The following BICC1 variants were observed in gnomAD, a reference collection of about 807,000 sequenced individuals.
BICC1 encodes the protein protein bicaudal C homolog 1.
Under a neutral mutation model 111.0 loss-of-function variants are expected in BICC1, and 43 were observed. That is an observed-to-expected ratio of 0.39 (90% CI 0.30 to 0.50). BICC1 has a LOEUF of 0.50. Among genes scored for constraint, BICC1 ranks in the 20% least tolerant of loss-of-function variants. The pLI is 0.88. For missense variants in BICC1, 1,091 were observed against 1,203.2 expected, an observed-to-expected ratio of 0.91 and a Z score of 1.38; for synonymous variants, 467 against 434.4, an observed-to-expected ratio of 1.07 and a Z score of -0.93.
chr10:58,745,039 T>C (rs1841789099), intron 3 of BICC1, among the ~76,000 whole-genome samples: 1 of 152,194 alleles, frequency 6.6e-6, no homozygotes, highest in African/African-American at 2.4e-5. Flanking sequence ...TATGACCCTG[T>C]TCTGCTACAT....
At chr10:58,578,606 T>C (rs1026696275) in intron 1 of BICC1, among the ~76,000 whole-genome samples, 3 of 152,182 alleles carry the variant, frequency 2.0e-5, no homozygotes, top group Non-Finnish European at 2.9e-5. Context: ...CCGAAAACCT[T>C]GTAGTGTTTG....
At chr10:58,590,308 G>A (rs1288750732) in intron 1 of BICC1, among the ~76,000 whole-genome samples, 3 of 152,140 alleles carry the variant, frequency 2.0e-5, no homozygotes, top group East Asian at 1.9e-4. Flanking sequence ...AGCAGGAATC[G>A]TGACATCTCT....
intron 20 of BICC1, among the ~76,000 whole-genome samples, chr10:58,821,854 G>A (rs1992657): frequency 0.73 from 111,271 of 151,988 alleles, 40,854 homozygotes; most frequent in Admixed American, 0.75. Flanking sequence ...GCTTTGGTTT[G>A]TTAATCATGA....
intron 2 of BICC1, among the ~76,000 whole-genome samples, chr10:58,675,971 C>T (rs1564546860): frequency 6.6e-6 from 1 of 152,148 alleles, no homozygotes; most frequent in Non-Finnish European, 1.5e-5. Context: ...ACAGTGGGTG[C>T]AGCCCACGGA....
At chr10:58,799,711 AT>A (rs113758569) in intron 12 of BICC1, among the ~76,000 whole-genome samples, 1,515 of 146,418 alleles carry the variant, frequency 0.01, 15 homozygotes, top group South Asian at 0.051. Context: ...CTATATTTCT[AT>A]TTTTTTTTTA....
chr10:58,730,037 C>T (rs1841239404), intron 3 of BICC1, among the ~76,000 whole-genome samples: 3 of 152,184 alleles, frequency 2.0e-5, no homozygotes, highest in African/African-American at 7.2e-5. Context: ...ACTCATTCAG[C>T]ATTAACTAAG....
chr10:58,791,221 A>T (rs991061806), intron 8 of BICC1, among the ~76,000 whole-genome samples: 1 of 151,494 alleles, frequency 6.6e-6, no homozygotes, highest in African/African-American at 2.4e-5. Flanking sequence ...TGTAATCTTC[A>T]TTTTTTTTCT....
chr10:58,670,529 G>A (rs1276291124), intron 2 of BICC1, among the ~76,000 whole-genome samples: 1 of 152,148 alleles, frequency 6.6e-6, no homozygotes, highest in Non-Finnish European at 1.5e-5. Context: ...GAGAATACTG[G>A]CAGGACTTTG....
intron 20 of BICC1, among the ~76,000 whole-genome samples, chr10:58,820,985 C>T (rs753221453): frequency 6.6e-6 from 1 of 152,024 alleles, no homozygotes; most frequent in Admixed American, 6.6e-5. Context: ...ACATAGTATC[C>T]TGAAGATAGT....
chr10:58,639,180 C>T (rs1444509685), intron 2 of BICC1, among the ~76,000 whole-genome samples: 4 of 152,002 alleles, frequency 2.6e-5, no homozygotes, highest in Non-Finnish European at 4.4e-5. Flanking sequence ...ATTATTCCTC[C>T]TAACTGAAAA....
At chr10:58,809,046 A>G (rs1364377071) in intron 17 of BICC1, among the ~76,000 whole-genome samples, 2 of 151,668 alleles carry the variant, frequency 1.3e-5, no homozygotes, top group Admixed American at 6.6e-5. Context: ...TACTTTATTA[A>G]GAGTCTCACT....
Position 58,799,262 on chromosome 10 carries a change from T to C in BICC1, c.1725+10T>C. ...AAATGGACATGCACAGGTAATGGCC[T>C]TCTGCCAGAATGTGTGTGTGATCTG... On this transcript the variant is annotated intron_variant, in intron 12 of 20. Coordinates refer to ENST00000373886, the MANE Select transcript of BICC1 (RefSeq NM_001080512.3). The C allele has an allele frequency of 6.4e-7, 1 of 1,573,786 alleles. No homozygotes were observed.
chr10:58,664,390 A>C (rs976232550), intron 2 of BICC1, among the ~76,000 whole-genome samples: 1 of 152,118 alleles, frequency 6.6e-6, no homozygotes, highest in Admixed American at 6.6e-5. Context: ...CTAATTTTTT[A>C]TTGGATTAAA....
In BICC1 at chr10:58,789,888, C is replaced by T. The variant is rs959098327; in HGVS notation, c.1002C>T (p.Leu334=). 1.2e-6 allele frequency: 2 copies of T among 1,614,138 alleles called. No individual in the cohort carries two copies. The highest frequency in any genetic ancestry group is 1.7e-6 in the Non-Finnish European group (2 of 1,180,006). The change falls in exon 8 of 21, where the codon CTC becomes CTT. Residue 334 remains leucine (L), a synonymous_variant. Transcript: ENST00000373886. ...CACAAAAGAAATCTACCGTCTACCT[C>T]CAGGGCACCATTGAGTCTGTCTGTC... ...SNPQKKSTVY[L]QGTIESVCLA...
chr10:58,514,242 C>T (rs1183616775), intron 1 of BICC1, among the ~76,000 whole-genome samples: 1 of 152,144 alleles, frequency 6.6e-6, no homozygotes, highest in Non-Finnish European at 1.5e-5. Flanking sequence ...TTTCCCACAT[C>T]CAAAGAGAGA....
chr10:58,537,022 G>C (rs1228684701), intron 1 of BICC1, among the ~76,000 whole-genome samples: 2 of 151,558 alleles, frequency 1.3e-5, no homozygotes, highest in Non-Finnish European at 3.0e-5. Flanking sequence ...ATCCTAAACA[G>C]ACCAATAACA....
chr10:58,634,652 C>T (rs768001048), intron 2 of BICC1, among the ~76,000 whole-genome samples: 68 of 152,116 alleles, frequency 4.5e-4, no homozygotes, highest in Non-Finnish European at 9.3e-4. Context: ...TTACATTTTA[C>T]TCTTGAACAA....
intron 1 of BICC1, among the ~76,000 whole-genome samples, chr10:58,517,506 C>CA (rs1394434964): frequency 6.6e-6 from 1 of 151,976 alleles, no homozygotes; most frequent in East Asian, 1.9e-4. Context: ...AATATGAAGC[C>CA]AAAAATGTGT....
chr10:58,754,995 AG>A (rs1842103121), intron 3 of BICC1, among the ~76,000 whole-genome samples: 1 of 152,172 alleles, frequency 6.6e-6, no homozygotes, highest in Admixed American at 6.5e-5. Flanking sequence ...TATGTATTGC[AG>A]TCCTTGTATT....
Sources: allele counts gnomAD v4.1 joint callset (sites outside exome capture counted in the v4.1 genomes callset), GRCh38; gene constraint gnomAD v4.1.1; transcripts MANE v1.5; gene names NCBI Gene and HGNC (gene_info 2026-07-23, HGNC 2026-07-21).